WDR72: variants seen among roughly 807,000 people sequenced by gnomAD.
WDR72 encodes WD repeat domain 72.
WDR72 carries 120 observed loss-of-function variants against 124.2 expected under a neutral mutation model. The ratio of observed to expected loss-of-function variants is 0.97; its 90% CI spans 0.83 to 1.12. The LOEUF (loss-of-function observed/expected upper bound fraction) is 1.12, where lower values mean the gene tolerates loss of function less well. WDR72 is among the 50% of genes most tolerant of loss of function. The probability of loss-of-function intolerance (pLI) is 0.00; values close to 1 mark genes in which losing one functional copy is unlikely to be tolerated. For missense variants in WDR72, 1,387 were observed against 1,278.8 expected, an observed-to-expected ratio of 1.08 and a Z score of -1.29; for synonymous variants, 452 against 441.7, an observed-to-expected ratio of 1.02 and a Z score of -0.29.
chr15:53,748,883 T>C (rs183342388), intron 1 of WDR72, among the ~76,000 whole-genome samples: 1 of 152,362 alleles, frequency 6.6e-6, no homozygotes, highest in East Asian at 1.9e-4. Flanking sequence ...TTTGTTTACA[T>C]ATATTTAGTT....
At chr15:53,639,020 C>T (rs1171138688) in intron 14 of WDR72, among the ~76,000 whole-genome samples, 1 of 151,914 alleles carries the variant, frequency 6.6e-6, no homozygotes, top group Admixed American at 6.6e-5. Context: ...GTCACTGCAA[C>T]ACCAAGTTTC....
At chr15:53,672,415 C>A (rs2016027449) in intron 13 of WDR72, among the ~76,000 whole-genome samples, 2 of 151,910 alleles carry the variant, frequency 1.3e-5, no homozygotes, top group Admixed American at 1.3e-4. Flanking sequence ...AAGGAAGATT[C>A]TGAAACTGCT....
intron 14 of WDR72, among the ~76,000 whole-genome samples, chr15:53,636,533 CT>C (rs2014630367): frequency 6.6e-6 from 1 of 152,082 alleles, no homozygotes; most frequent in Non-Finnish European, 1.5e-5. Flanking sequence ...ATCACATATA[CT>C]ATCAATAATA....
chr15:53,726,357 G>A, intron 2 of WDR72, among the ~76,000 whole-genome samples: 1 of 92,214 alleles, frequency 1.1e-5, no homozygotes, highest in Non-Finnish European at 1.9e-5. Flanking sequence ...GTTGGGAGGG[G>A]GGCGGGGCTG....
intron 12 of WDR72, among the ~76,000 whole-genome samples, chr15:53,701,554 C>CAGA: frequency 8.5e-6 from 1 of 117,274 alleles, no homozygotes; most frequent in East Asian, 2.5e-4. Context: ...CTCTCTCTCT[C>CAGA]TCTCTCACAC....
intron 2 of WDR72, among the ~76,000 whole-genome samples, chr15:53,732,459 A>G (rs1169880375): frequency 5.3e-5 from 8 of 152,180 alleles, no homozygotes; most frequent in African/African-American, 1.7e-4. Context: ...ACCAAATCCT[A>G]GGTGAGGTCA....
In WDR72 at chr15:53,696,269, G is replaced by T. The variant is rs1039588221; in HGVS notation, c.1765+3481C>A. On this transcript the variant is annotated intron_variant, in intron 13 of 19. Transcript: ENST00000360509. Reference sequence around the variant, plus strand: ...GTGGAGAGAATAGTAAAACTAAAAGGCCAAGGCCCAGGAAAAATTGACTGG... The same window carrying T: ...GTGGAGAGAATAGTAAAACTAAAAGTCCAAGGCCCAGGAAAAATTGACTGG... Among the ~76,000 whole-genome samples the T allele has an allele frequency of 2.6e-5, 4 of 152,118 alleles. No individual in the cohort carries two copies. The East Asian group carries it at 7.7e-4, about 29-fold the overall frequency.
chr15:53,598,309 C>T (rs1299000666), intron 17 of WDR72, among the ~76,000 whole-genome samples: 1 of 152,096 alleles, frequency 6.6e-6, no homozygotes, highest in Non-Finnish European at 1.5e-5. Flanking sequence ...ATTTTCCCCT[C>T]AGAAGTCTGT....
At chr15:53,591,751 A>G (rs1161163030) in intron 18 of WDR72, among the ~76,000 whole-genome samples, 1 of 151,484 alleles carries the variant, frequency 6.6e-6, no homozygotes. Flanking sequence ...CTGATGTAGC[A>G]TAAGTTAAGT....
chr15:53,548,468 T>G (rs957284), intron 18 of WDR72, among the ~76,000 whole-genome samples: 75,022 of 151,784 alleles, frequency 0.49, 19,528 homozygotes, highest in Middle Eastern at 0.61. Context: ...TCAAAGAGAG[T>G]GATTTTGAGA....
At chr15:53,650,564 A>G (rs532775930) in intron 14 of WDR72, among the ~76,000 whole-genome samples, 41 of 151,934 alleles carry the variant, frequency 2.7e-4, no homozygotes, top group African/African-American at 9.2e-4. Flanking sequence ...CTTCTCATTA[A>G]CCTCCTACTT....
Position 53,515,563 on chromosome 15 carries a change from T to G in WDR72, c.*2136A>C, listed in dbSNP as rs1324140794. 6.6e-6 allele frequency: 1 copy of G among 152,218 alleles called. No homozygotes were observed. Among genetic ancestry groups the G allele is most frequent in the Non-Finnish European group, 1.5e-5 (1 of 68,026 alleles). The allele number at this position is 152,218 out of a possible 1,614,324, so 9.4% of individuals were successfully genotyped here. On this transcript the variant is annotated 3_prime_UTR_variant, in exon 20 of 20. Transcript: ENST00000360509. ...TTAAAAGCTTTCATAGTTAATGGTATGATATTGGCCTTCAGAATTCATATT... is the reference window on the plus strand; with the variant it reads ...TTAAAAGCTTTCATAGTTAATGGTAGGATATTGGCCTTCAGAATTCATATT...
intron 18 of WDR72, among the ~76,000 whole-genome samples, chr15:53,578,791 C>T (rs552295994): frequency 1.3e-5 from 2 of 152,200 alleles, no homozygotes; most frequent in East Asian, 3.9e-4. Context: ...TCTCTTTCAG[C>T]AACTTGACCT....
chr15:53,745,160 A>G (rs1166929150), intron 1 of WDR72, among the ~76,000 whole-genome samples: 1 of 152,156 alleles, frequency 6.6e-6, no homozygotes, highest in Non-Finnish European at 1.5e-5. Flanking sequence ...TAAAATGGAA[A>G]AAAAAAATTA....
intron 14 of WDR72, among the ~76,000 whole-genome samples, chr15:53,629,189 A>AGT (rs1253595247): frequency 2.2e-5 from 3 of 133,710 alleles, no homozygotes; most frequent in Admixed American, 1.5e-4. Flanking sequence ...GGAGAGAGAC[A>AGT]GCGAGAGAGA....
chr15:53,739,205 A>G (rs913778532), intron 1 of WDR72, among the ~76,000 whole-genome samples: 1 of 152,190 alleles, frequency 6.6e-6, no homozygotes, highest in Non-Finnish European at 1.5e-5. Flanking sequence ...GTAGGAACAT[A>G]ATGATTTTCA....
At chr15:53,561,644 A>G (rs533956345) in intron 18 of WDR72, among the ~76,000 whole-genome samples, 1 of 151,944 alleles carries the variant, frequency 6.6e-6, no homozygotes, top group Admixed American at 6.6e-5. Flanking sequence ...AGTAAGAACT[A>G]GCATTTTAAC....
chr15:53,597,851 G>T (rs562939430), intron 17 of WDR72, among the ~76,000 whole-genome samples: 1 of 152,074 alleles, frequency 6.6e-6, no homozygotes, highest in Non-Finnish European at 1.5e-5. Context: ...CCTATGGTTC[G>T]AAGGGCGGGG....
chr15:53,716,902 C>T (rs1344528423), intron 3 of WDR72, among the ~76,000 whole-genome samples: 1 of 152,118 alleles, frequency 6.6e-6, no homozygotes, highest in Non-Finnish European at 1.5e-5. Flanking sequence ...GCCTGCAAAC[C>T]TTACTTTAGA....
Sources: allele counts gnomAD v4.1 joint callset (sites outside exome capture counted in the v4.1 genomes callset), GRCh38; gene constraint gnomAD v4.1.1; transcripts MANE v1.5; gene names NCBI Gene and HGNC (gene_info 2026-07-23, HGNC 2026-07-21).